DNAH12: variants seen among roughly 807,000 people sequenced by gnomAD.
The protein encoded by DNAH12 is axonemal beta dynein heavy chain 12.
Under a neutral mutation model 371.5 loss-of-function variants are expected in DNAH12, and 285 were observed. The ratio of observed to expected loss-of-function variants is 0.77; its 90% confidence interval spans 0.70 to 0.85. DNAH12 has a LOEUF of 0.85. DNAH12 is among the 40% of genes least tolerant of loss of function. The probability of loss-of-function intolerance (pLI) is 0.00; values close to 1 mark genes in which losing one functional copy is unlikely to be tolerated. For synonymous variants in DNAH12, 1,200 were observed against 1,213.0 expected (o/e 0.99, Z 0.22); for missense variants, 3,611 against 3,689.4 (o/e 0.98, Z 0.55).
In DNAH12 at chr3:57,523,844, T is replaced by C. The variant is rs772970016; in HGVS notation, c.211A>G (p.Lys71Glu). The change falls in exon 3 of 74, where the codon AAA becomes GAA. Residue 71 changes from lysine to glutamate, a missense_variant. Transcript: ENST00000495027. The part of the protein sequence containing the change: ...AKRNLDRTLG[K>E]RTPLLPPPDY... ...GGTGGTGGTAATAGAGGTGTTCTTT[T>C]ACCCAGTGTTCTGTCTAAATTTCTT... 1 of 1,606,780 alleles carries C rather than the reference T, an allele frequency of 6.2e-7. No homozygotes were observed. The highest frequency in any genetic ancestry group is 8.5e-7 in the Non-Finnish European group (1 of 1,177,390).
intron 69 of DNAH12, among the ~76,000 whole-genome samples, chr3:57,303,777 G>A (rs1210535912): frequency 6.6e-6 from 1 of 152,156 alleles, no homozygotes; most frequent in African/African-American, 2.4e-5. Context: ...ACCATTGTGT[G>A]TTTTTATTGA....
At chr3:57,516,051 G>GTTT (rs1400729891) in intron 4 of DNAH12, among the ~76,000 whole-genome samples, 2 of 60,220 alleles carry the variant, frequency 3.3e-5, no homozygotes, top group African/African-American at 6.7e-5. Context: ...GTACTGCTTA[G>GTTT]TCTTTTTTTT....
At position 57,542,888 on chromosome 3, in the gene DNAH12, T is replaced by TA. The variant is rs199662602; in HGVS notation, c.-19dup. 15,887 of 1,565,988 alleles carry TA rather than the reference T, an allele frequency of 0.01. 107 individuals are homozygous for TA. The highest frequency in any genetic ancestry group is 0.013 in the Non-Finnish European group (14,684 of 1,162,588). On this transcript the variant is annotated 5_prime_UTR_variant, in exon 2 of 74. Transcript: ENST00000495027. The stretch of plus-strand genomic sequence containing the variant: ...TCTGACATCTTGATCCCCTAAAGAT[T>TA]AAAATACTCTGTACTCTGAGGAGAA...
At chr3:57,355,753 A>T (rs907224411) in intron 59 of DNAH12, among the ~76,000 whole-genome samples, 13 of 152,186 alleles carry the variant, frequency 8.5e-5, no homozygotes, top group African/African-American at 3.1e-4. Context: ...TATAAATTCA[A>T]ATTCCAAATC....
At chr3:57,369,701 A>G in intron 55 of DNAH12, among the ~76,000 whole-genome samples, 1 of 152,312 alleles carries the variant, frequency 6.6e-6, no homozygotes, top group Middle Eastern at 3.4e-3. Context: ...TAGTTAGACT[A>G]GTAAATGCTT....
At position 57,396,923 on chromosome 3, in the gene DNAH12, G is replaced by A. The variant is rs1403577757; in HGVS notation, c.6949-2591C>T. ...ACCTATAATTCCAGCTACTAGGGAG[G>A]TTGAGGCAGTAGAATCACTTGAACT... On this transcript the variant is annotated intron_variant, in intron 43 of 73. Transcript: ENST00000495027. Among the ~76,000 whole-genome samples the A allele has an allele frequency of 2.0e-4, 31 of 152,328 alleles. 1 individual carries two copies. In the South Asian group the frequency reaches 6.4e-3, roughly 32 times the overall value.
intron 69 of DNAH12, among the ~76,000 whole-genome samples, chr3:57,303,024 A>G (rs1171268043): frequency 1.3e-5 from 2 of 151,982 alleles, no homozygotes; most frequent in Non-Finnish European, 2.9e-5. Context: ...ATCTCTTTTC[A>G]TCATCATTTT....
chr3:57,511,398 A>G (rs1234917360), intron 4 of DNAH12, among the ~76,000 whole-genome samples: 1 of 152,226 alleles, frequency 6.6e-6, no homozygotes, highest in African/African-American at 2.4e-5. Flanking sequence ...CAATAGTAGT[A>G]TAATATAATT....
chr3:57,382,635 T>C (rs2063417661), intron 49 of DNAH12, among the ~76,000 whole-genome samples: 1 of 152,030 alleles, frequency 6.6e-6, no homozygotes, highest in Non-Finnish European at 1.5e-5. Context: ...CCTATGAGAA[T>C]ATAATGGCAG....
At chr3:57,542,952 C>A (rs2069358898) in intron 1 of DNAH12, 49 bp from the exon 2 acceptor site, 1 of 1,381,270 alleles carries the variant, frequency 7.2e-7, no homozygotes, top group Admixed American at 2.6e-5. Context: ...CAAGCCTCGA[C>A]ACATTCATAA....
upstream of DNAH12, among the ~76,000 whole-genome samples, chr3:57,547,110 C>T (rs572189502): frequency 7.2e-5 from 11 of 152,080 alleles, no homozygotes; most frequent in East Asian, 2.1e-3. Context: ...GATAGTCTGC[C>T]CTACAGACCA....
intron 30 of DNAH12, among the ~76,000 whole-genome samples, chr3:57,436,211 A>G (rs1199558788): frequency 1.3e-5 from 2 of 152,132 alleles, no homozygotes; most frequent in Non-Finnish European, 2.9e-5. Context: ...ACTTACTTAT[A>G]TAACATATAT....
chr3:57,366,971 C>G (rs2063064265), intron 56 of DNAH12, 50 bp from the exon 57 acceptor site: 1 of 152,216 alleles, frequency 6.6e-6, no homozygotes, highest in Non-Finnish European at 1.5e-5. Context: ...TACATAGCCC[C>G]TCATGCTATG....
Position 57,446,207 on chromosome 3 carries a change from A to T in DNAH12, c.4003T>A (p.Leu1335Met). Reference sequence around the variant, plus strand: ...TGAGCTACCACTGACAACACTTCCAACTCAATTCGATTGAATTCATCAAAG... The same window carrying T: ...TGAGCTACCACTGACAACACTTCCATCTCAATTCGATTGAATTCATCAAAG... The part of the protein sequence containing the change: ...ACFDEFNRIE[L>M]EVLSVVAQQI... The change falls in exon 27 of 74, where the codon TTG (leucine) becomes ATG (methionine). Residue 1335 changes from leucine (L) to methionine (M), a missense_variant. This residue lies in a region of DNAH12 where 2,266 missense variants were observed against 2,236.9 expected (regional missense o/e 1.01). Transcript: ENST00000495027. 6.4e-7 allele frequency: 1 copy of T among 1,551,844 alleles called. No homozygotes were observed. Among genetic ancestry groups the T allele is most frequent in the South Asian group, 1.2e-5 (1 of 84,058 alleles).
At chr3:57,434,053 A>G (rs2065043262) in intron 30 of DNAH12, among the ~76,000 whole-genome samples, 1 of 152,208 alleles carries the variant, frequency 6.6e-6, no homozygotes, top group African/African-American at 2.4e-5. Context: ...ATAATAAACA[A>G]TCTCCAAATG....
chr3:57,321,777 C>A (rs1289293753), intron 65 of DNAH12, among the ~76,000 whole-genome samples: 1 of 152,190 alleles, frequency 6.6e-6, no homozygotes, highest in African/African-American at 2.4e-5. Context: ...TACATTTATA[C>A]TTTTCCCTGT....
In DNAH12 at chr3:57,542,841, T is replaced by C; in HGVS notation, c.30A>G (p.Ala10=). The change falls in exon 2 of 74, where the codon GCA becomes GCG. Residue 10 remains alanine (A), a synonymous_variant. Coordinates refer to ENST00000495027, the MANE Select transcript of DNAH12 (RefSeq NM_001366028.2). ...TCAAGTTCAGAGCTTCCTTTTCTGC[T>C]GCAATGGCAGCTTTGTTTGCATCTG... MSDANKAAI[A]AEKEALNLKL... The C allele has an allele frequency of 6.3e-7, 1 of 1,599,074 alleles. No homozygotes were observed. The highest frequency in any genetic ancestry group is 8.5e-7 in the Non-Finnish European group (1 of 1,175,564).
At chr3:57,399,595 C>T (rs1326302496) in intron 43 of DNAH12, among the ~76,000 whole-genome samples, 6 of 152,124 alleles carry the variant, frequency 3.9e-5, no homozygotes, top group African/African-American at 1.4e-4. Context: ...ATAAAAGGGT[C>T]AATTTACCAG....
intron 59 of DNAH12, among the ~76,000 whole-genome samples, chr3:57,354,100 C>T (rs1432459950): frequency 2.6e-5 from 4 of 152,078 alleles, no homozygotes; most frequent in Admixed American, 6.5e-5. Context: ...TTCACAATAG[C>T]AAAGACATGG....
Sources: gnomAD v4.1 joint callset for allele counts (sites outside exome capture counted in the v4.1 genomes callset) on GRCh38, gnomAD v4.1.1 for gene constraint, gnomAD v4.1.1 regional missense constraint, MANE v1.5 for transcripts, NCBI Gene and HGNC (gene_info 2026-07-23, HGNC 2026-07-21) for gene names.